The following BCHE variants were observed in gnomAD, a reference collection of about 807,000 sequenced individuals.
The protein encoded by BCHE is cholinesterase.
BCHE carries 48 observed loss-of-function variants against 51.3 expected under a neutral mutation model. The observed-to-expected ratio is 0.94, with a 90% confidence interval of 0.74 to 1.19. The LOEUF (loss-of-function observed/expected upper bound fraction) is 1.19. Ranked by LOEUF, BCHE falls within the 50% of genes most tolerant of loss-of-function variation. The pLI is 0.00. For synonymous variants in BCHE, 251 were observed against 238.0 expected (o/e 1.05, Z -0.50); for missense variants, 847 against 708.2 (o/e 1.20, Z -2.23).
intron 2 of BCHE, among the ~76,000 whole-genome samples, chr3:165,788,836 GATA>G (rs1341163484): frequency 2.0e-5 from 3 of 152,112 alleles, no homozygotes; most frequent in Non-Finnish European, 4.4e-5. Context: ...GTAATTTAGA[GATA>G]ATAAGATTCC....
chr3:165,827,668 T>A (rs1437007334), intron 2 of BCHE, among the ~76,000 whole-genome samples: 1 of 151,918 alleles, frequency 6.6e-6, no homozygotes, highest in Non-Finnish European at 1.5e-5. Context: ...CATCCTTAAA[T>A]CCTTAAATGA....
intron 2 of BCHE, among the ~76,000 whole-genome samples, chr3:165,789,329 T>C (rs574928784): frequency 2.0e-5 from 3 of 152,044 alleles, no homozygotes; most frequent in African/African-American, 7.2e-5. Flanking sequence ...TTTACATCTG[T>C]GTTACAGAAA....
At chr3:165,821,791 C>G (rs1714528113) in intron 2 of BCHE, among the ~76,000 whole-genome samples, 1 of 151,778 alleles carries the variant, frequency 6.6e-6, no homozygotes, top group East Asian at 1.9e-4. Context: ...CAAATTGTCC[C>G]AATCATTTTA....
At chr3:165,790,045 G>A (rs933435449) in intron 2 of BCHE, among the ~76,000 whole-genome samples, 10 of 152,008 alleles carry the variant, frequency 6.6e-5, no homozygotes, top group Non-Finnish European at 1.3e-4. Flanking sequence ...GAAATGGCGG[G>A]TGAGTAAGTA....
chr3:165,821,062 T>C (rs1191153592), intron 2 of BCHE, among the ~76,000 whole-genome samples: 1 of 151,886 alleles, frequency 6.6e-6, no homozygotes, highest in East Asian at 1.9e-4. Context: ...GTCTCATCAT[T>C]TCAGCACTTT....
rs1009059168 is a variant in BCHE at position 165,780,022 on chromosome 3, C to A, written c.1684+6123G>T. Among the ~76,000 whole-genome samples, 3 of 152,210 alleles carry A rather than the reference C, an allele frequency of 2.0e-5. No homozygotes were observed. The East Asian group carries it at 5.8e-4, about 29-fold the overall frequency. ...CCTGACTTCAAACTATACTACAAGG[C>A]TATAGTAACCAAAACAGCATGGTAT... On this transcript the variant is annotated intron_variant, in intron 3 of 3. Transcript: ENST00000264381.
In BCHE at chr3:165,790,070, A is replaced by AG. The variant is rs538298859; in HGVS notation, c.1518-3760dup. Among the ~76,000 whole-genome samples the AG allele has an allele frequency of 1.8e-3, 279 of 151,894 alleles. 1 individual carries two copies. Among genetic ancestry groups the AG allele is most frequent in the Non-Finnish European group, 2.0e-3 (135 of 67,852 alleles). On this transcript the variant is annotated intron_variant, in intron 2 of 3. Transcript: ENST00000264381. ...GTGAGTAAGTATCAGTGTGTGTGTG[A>AG]GGGGGGGATGGTGAGGGAGTCCATA...
At chr3:165,832,539 A>G (rs1246182783) in intron 1 of BCHE, among the ~76,000 whole-genome samples, 2 of 152,004 alleles carry the variant, frequency 1.3e-5, no homozygotes, top group Non-Finnish European at 2.9e-5. Context: ...TGATCCACTT[A>G]CCTCGGCCTC....
In BCHE at chr3:165,819,398, G is replaced by A. The variant is rs190717694; in HGVS notation, c.1517+10119C>T. ...TGGCCTAGGTTTTTAACTTCTAACT[G>A]GGATTATTTCAACATTTTTAGAATT... On this transcript the variant is annotated intron_variant, in intron 2 of 3. Transcript: ENST00000264381. Among the ~76,000 whole-genome samples the A allele has an allele frequency of 3.2e-3, 484 of 151,672 alleles. 2 individuals are homozygous for A. The highest frequency in any genetic ancestry group is 5.6e-3 in the Non-Finnish European group (379 of 67,880).
Position 165,829,658 on chromosome 3 carries a change from G to A in BCHE, c.1376C>T (p.Pro459Leu). 1 of 1,613,768 alleles carries A rather than the reference G, an allele frequency of 6.2e-7. No individual in the cohort carries two copies. Among genetic ancestry groups the A allele is most frequent in the Non-Finnish European group, 8.5e-7 (1 of 1,179,872 alleles). The part of the protein sequence containing the change: ...FEHRSSKLPW[P>L]EWMGVMHGYE... ...GCCATGCATCACTCCCATCCATTCT[G>A]GCCACGGAAGTTTGGAGGATCGGTG... The change falls in exon 2 of 4, where the codon CCA becomes CTA. Residue 459 changes from proline to leucine, a missense_variant. By Grantham distance (98) the Pro-to-Leu change is moderately conservative. Transcript: ENST00000264381.
intron 2 of BCHE, among the ~76,000 whole-genome samples, chr3:165,822,031 T>C (rs2108229162): frequency 6.6e-6 from 1 of 152,106 alleles, no homozygotes. Context: ...GATATGAGAA[T>C]AGCAGCATGT....
At chr3:165,808,872 C>T (rs889689257) in intron 2 of BCHE, among the ~76,000 whole-genome samples, 2 of 152,076 alleles carry the variant, frequency 1.3e-5, no homozygotes, top group African/African-American at 4.8e-5. Context: ...TCTAAAGAGC[C>T]ATTCATATCT....
intron 2 of BCHE, among the ~76,000 whole-genome samples, chr3:165,827,458 A>G (rs929086264): frequency 1.3e-5 from 2 of 151,578 alleles, no homozygotes; most frequent in Non-Finnish European, 2.9e-5. Context: ...TAATTAAATA[A>G]TTAAGTATTA....
chr3:165,783,153 T>C (rs2108200065), intron 3 of BCHE, among the ~76,000 whole-genome samples: 1 of 152,238 alleles, frequency 6.6e-6, no homozygotes, highest in South Asian at 2.1e-4. Context: ...TCACTGAAAA[T>C]CTGTCTCCAT....
chr3:165,773,970 G>A (rs545295204), intron 3 of BCHE, among the ~76,000 whole-genome samples: 2 of 152,056 alleles, frequency 1.3e-5, no homozygotes, highest in East Asian at 3.9e-4. Context: ...GTGGGGAGTT[G>A]GTTCTAGGAC....
intron 3 of BCHE, chr3:165,777,802 A>G: frequency 2.2e-6 from 1 of 452,722 alleles, no homozygotes; most frequent in Non-Finnish European, 4.5e-6. Flanking sequence ...CAGCCTACTC[A>G]ATGTGAAGAT....
At chr3:165,814,637 C>G (rs1714233708) in intron 2 of BCHE, among the ~76,000 whole-genome samples, 1 of 151,974 alleles carries the variant, frequency 6.6e-6, no homozygotes, top group Non-Finnish European at 1.5e-5. Flanking sequence ...GGCCTGATTT[C>G]TTTTCTGCCT....
chr3:165,814,721 T>C (rs1395571971), intron 2 of BCHE, among the ~76,000 whole-genome samples: 1 of 152,070 alleles, frequency 6.6e-6, no homozygotes, highest in African/African-American at 2.4e-5. Flanking sequence ...GTCAAAATTT[T>C]GTTCCTTGGG....
chr3:165,835,527 A>C (rs2108239570), intron 1 of BCHE, among the ~76,000 whole-genome samples: 1 of 151,962 alleles, frequency 6.6e-6, no homozygotes, highest in Non-Finnish European at 1.5e-5. Flanking sequence ...AGATAATATT[A>C]ATATGATCTA....
Sources: allele counts gnomAD v4.1 joint callset (sites outside exome capture counted in the v4.1 genomes callset), GRCh38; gene constraint gnomAD v4.1.1; transcripts MANE v1.5; gene names NCBI Gene and HGNC (gene_info 2026-07-23, HGNC 2026-07-21).